The following CFAP299 variants were observed in gnomAD, a reference collection of about 807,000 sequenced individuals.
CFAP299 encodes cilia and flagella associated protein 299.
Under a neutral mutation model 27.0 loss-of-function variants are expected in CFAP299, and 21 were observed. That is an observed-to-expected ratio of 0.78 (90% CI 0.55 to 1.12). CFAP299 has a LOEUF of 1.12. Ranked by LOEUF, CFAP299 falls within the 50% of genes most tolerant of loss-of-function variation. CFAP299 has a pLI of 0.00. For missense variants in CFAP299, 310 were observed against 276.6 expected (o/e 1.12, Z -0.86); for synonymous variants, 104 against 98.1 (o/e 1.06, Z -0.36).
intron 3 of CFAP299, among the ~76,000 whole-genome samples, chr4:80,667,763 A>T (rs1342531855): frequency 6.6e-6 from 1 of 152,156 alleles, no homozygotes; most frequent in African/African-American, 2.4e-5. Context: ...GGCTGTTGTG[A>T]ATAGTGCTGC....
chr4:80,800,731 T>C (rs1170490670), intron 3 of CFAP299, among the ~76,000 whole-genome samples: 1 of 88,400 alleles, frequency 1.1e-5, no homozygotes, highest in East Asian at 2.9e-4. Context: ...TCCATATGTG[T>C]ATATATATAT....
intron 4 of CFAP299, among the ~76,000 whole-genome samples, chr4:80,900,540 G>A (rs970986761): frequency 3.9e-5 from 6 of 152,026 alleles, no homozygotes; most frequent in African/African-American, 1.4e-4. Context: ...AAATAAATCT[G>A]TTGCTAGGAT....
intron 2 of CFAP299, among the ~76,000 whole-genome samples, chr4:80,496,154 A>G (rs558228146): frequency 6.6e-6 from 1 of 152,298 alleles, no homozygotes; most frequent in Admixed American, 6.5e-5. Context: ...TCTCCCTAGA[A>G]AGCTGTTTCT....
At chr4:80,888,140 T>C in intron 4 of CFAP299, among the ~76,000 whole-genome samples, 1 of 152,064 alleles carries the variant, frequency 6.6e-6, no homozygotes, top group East Asian at 1.9e-4. Flanking sequence ...TATTTATCAA[T>C]AATATCATTG....
rs140744114 is a variant in CFAP299 at position 80,880,657 on chromosome 4, C to T, written c.476+10522C>T. Among the ~76,000 whole-genome samples the T allele has an allele frequency of 3.6e-3, 547 of 152,022 alleles. 3 individuals carry two copies. The East Asian group carries it at 0.041, about 11-fold the overall frequency. On this transcript the variant is annotated intron_variant, in intron 4 of 5. Transcript: ENST00000358105. ...AGGAGAATCACTTGAACCCAGGAGG[C>T]GGAGGTTGCAGTGCGCCAAGATCAC... is the stretch of plus-strand genomic sequence containing the variant.
At chr4:80,619,592 G>T (rs1349983429) in intron 3 of CFAP299, among the ~76,000 whole-genome samples, 2 of 151,984 alleles carry the variant, frequency 1.3e-5, no homozygotes, top group African/African-American at 4.8e-5. Context: ...ATATTCTTTA[G>T]ATATTCAATA....
chr4:80,363,112 G>A (rs1434233480), intron 2 of CFAP299, among the ~76,000 whole-genome samples: 2 of 152,178 alleles, frequency 1.3e-5, no homozygotes, highest in South Asian at 2.1e-4. Context: ...ACCAAAATAT[G>A]GTCATCATAC....
At chr4:80,354,743 G>T (rs1228560284) in intron 1 of CFAP299, among the ~76,000 whole-genome samples, 6 of 151,904 alleles carry the variant, frequency 3.9e-5, no homozygotes, top group Non-Finnish European at 1.5e-5. Context: ...TCACTGTTTA[G>T]CTCCTACTTG....
chr4:80,504,489 A>G (rs1217843792), intron 2 of CFAP299, among the ~76,000 whole-genome samples: 2 of 128,168 alleles, frequency 1.6e-5, no homozygotes, highest in Non-Finnish European at 3.4e-5. Context: ...ATATATATAT[A>G]TATATATATA....
chr4:80,655,504 G>C (rs1740509574), intron 3 of CFAP299, among the ~76,000 whole-genome samples: 1 of 152,078 alleles, frequency 6.6e-6, no homozygotes, highest in Non-Finnish European at 1.5e-5. Flanking sequence ...CAGCTGTGTT[G>C]GCTCCACAAA....
chr4:80,560,902 G>A (rs1233739059), intron 2 of CFAP299, among the ~76,000 whole-genome samples: 1 of 152,092 alleles, frequency 6.6e-6, no homozygotes, highest in Non-Finnish European at 1.5e-5. Context: ...CACCCTAAAG[G>A]GAAGGACACA....
chr4:80,696,093 C>T (rs1721071781), intron 3 of CFAP299, among the ~76,000 whole-genome samples: 1 of 151,892 alleles, frequency 6.6e-6, no homozygotes. Flanking sequence ...TGAGGTCAGA[C>T]ATTTGAGACC....
intron 4 of CFAP299, among the ~76,000 whole-genome samples, chr4:80,938,059 A>G (rs1393359213): frequency 6.6e-6 from 1 of 152,208 alleles, no homozygotes; most frequent in African/African-American, 2.4e-5. Flanking sequence ...GTCCCTATTT[A>G]CACCTGTTTA....
At chr4:80,949,543 C>CAA (rs1453398962) in intron 5 of CFAP299, among the ~76,000 whole-genome samples, 3 of 35,046 alleles carry the variant, frequency 8.6e-5, no homozygotes, top group African/African-American at 2.2e-4. Flanking sequence ...AAAACAACAA[C>CAA]AACAAAAAAA....
At chr4:80,888,693 A>G (rs967920371) in intron 4 of CFAP299, among the ~76,000 whole-genome samples, 1 of 152,078 alleles carries the variant, frequency 6.6e-6, no homozygotes, top group African/African-American at 2.4e-5. Context: ...CTCATGGATC[A>G]TTCTCAAGAA....
intron 3 of CFAP299, among the ~76,000 whole-genome samples, chr4:80,818,462 A>G (rs1315236984): frequency 6.6e-6 from 1 of 151,976 alleles, no homozygotes; most frequent in Non-Finnish European, 1.5e-5. Flanking sequence ...GGTCTCTTAT[A>G]TTGTATTTGG....
intron 3 of CFAP299, among the ~76,000 whole-genome samples, chr4:80,677,367 C>T (rs1228963797): frequency 6.6e-6 from 1 of 152,086 alleles, no homozygotes; most frequent in African/African-American, 2.4e-5. Flanking sequence ...CTCCTACTTT[C>T]ATACTCAGAT....
chr4:80,788,985 G>C (rs1171807359), intron 3 of CFAP299, among the ~76,000 whole-genome samples: 1 of 151,996 alleles, frequency 6.6e-6, no homozygotes, highest in Non-Finnish European at 1.5e-5. Flanking sequence ...TCCCATATCT[G>C]CTCTCTTTGG....
Position 80,871,298 on chromosome 4 carries a change from A to G in CFAP299, c.476+1163A>G, listed in dbSNP as rs1483621795. 1.0e-5 allele frequency: 10 copies of G among 985,266 alleles called. No homozygotes were observed. In the East Asian group the frequency reaches 9.1e-4, roughly 89 times the overall value. 61.0% of individuals were successfully genotyped at this position (985,266 alleles called of 1,614,324 possible). On this transcript the variant is annotated intron_variant, in intron 4 of 5. Transcript: ENST00000358105. Reference sequence around the variant, plus strand: ...TCTCTTGCAGTAATGCCCATTGCCCATGTCTTTTTGATTTTTGGTTGTATC... The same window carrying G: ...TCTCTTGCAGTAATGCCCATTGCCCGTGTCTTTTTGATTTTTGGTTGTATC...
Sources: gnomAD v4.1 joint callset for allele counts (sites outside exome capture counted in the v4.1 genomes callset) on GRCh38, gnomAD v4.1.1 for gene constraint, MANE v1.5 for transcripts, NCBI Gene and HGNC (gene_info 2026-07-23, HGNC 2026-07-21) for gene names.